DCC: variants seen among roughly 807,000 people sequenced by gnomAD.
DCC encodes netrin receptor DCC.
Under a neutral mutation model 172.5 loss-of-function variants are expected in DCC, and 58 were observed. That is an observed-to-expected ratio of 0.34 (90% confidence interval 0.27 to 0.42). The LOEUF (loss-of-function observed/expected upper bound fraction) is 0.42. Among genes scored for constraint, DCC ranks in the 10% least tolerant of loss-of-function variants. The pLI, the probability that DCC is intolerant of heterozygous loss-of-function variation, is 1.00. For missense variants in DCC, 1,740 were observed against 1,791.0 expected (o/e 0.97, Z 0.51); for synonymous variants, 709 against 644.5 (o/e 1.10, Z -1.52).
At chr18:52,965,319 A>G (rs2040912022) in intron 5 of DCC, among the ~76,000 whole-genome samples, 1 of 152,190 alleles carries the variant, frequency 6.6e-6, no homozygotes, top group Admixed American at 6.5e-5. Flanking sequence ...TTGACAAAAC[A>G]GGCTAGAAAG....
At chr18:53,191,625 G>A (rs984982171) in intron 9 of DCC, among the ~76,000 whole-genome samples, 2 of 152,116 alleles carry the variant, frequency 1.3e-5, no homozygotes, top group Non-Finnish European at 2.9e-5. Flanking sequence ...AAGTCAAGAA[G>A]GTTGACAATC....
intron 5 of DCC, among the ~76,000 whole-genome samples, chr18:52,971,984 C>G (rs35166096): frequency 6.6e-6 from 1 of 152,054 alleles, no homozygotes; most frequent in Non-Finnish European, 1.5e-5. Context: ...TGTCTCCTGA[C>G]AGTGAGCTCA....
intron 15 of DCC, among the ~76,000 whole-genome samples, chr18:53,384,688 T>A (rs890041421): frequency 2.0e-5 from 3 of 152,134 alleles, no homozygotes; most frequent in African/African-American, 7.2e-5. Flanking sequence ...TTTCTTAATG[T>A]AGTTTAGTTC....
At chr18:52,388,435 T>C (rs888682636) in intron 1 of DCC, among the ~76,000 whole-genome samples, 3 of 152,110 alleles carry the variant, frequency 2.0e-5, no homozygotes, top group African/African-American at 7.2e-5. Flanking sequence ...ATTATTTAGG[T>C]TCTGCCAAAT....
chr18:53,160,700 A>C (rs2054824066), intron 8 of DCC, among the ~76,000 whole-genome samples: 2 of 152,130 alleles, frequency 1.3e-5, no homozygotes, highest in Non-Finnish European at 1.5e-5. Context: ...TCTCTCTCAC[A>C]TACGCTCCTA....
chr18:53,291,517 C>A (rs534115814), intron 12 of DCC, among the ~76,000 whole-genome samples: 8 of 152,182 alleles, frequency 5.3e-5, no homozygotes, highest in African/African-American at 1.9e-4. Context: ...TTCCATGTTC[C>A]AAAACACAAA....
At chr18:52,827,778 T>C (rs2038538270) in intron 2 of DCC, among the ~76,000 whole-genome samples, 1 of 152,290 alleles carries the variant, frequency 6.6e-6, no homozygotes, top group African/African-American at 2.4e-5. Flanking sequence ...GATTTTAAAA[T>C]GTATGTATTC....
At chr18:52,982,339 C>T (rs1261790977) in intron 5 of DCC, among the ~76,000 whole-genome samples, 1 of 152,154 alleles carries the variant, frequency 6.6e-6, no homozygotes, top group Non-Finnish European at 1.5e-5. Context: ...GGCAATGCAG[C>T]AGATGACAAA....
chr18:52,476,766 A>G (rs1989106394), intron 1 of DCC, among the ~76,000 whole-genome samples: 1 of 152,164 alleles, frequency 6.6e-6, no homozygotes, highest in African/African-American at 2.4e-5. Flanking sequence ...TCTATTTCTT[A>G]TTCAAGTAAG....
intron 1 of DCC, among the ~76,000 whole-genome samples, chr18:52,528,608 C>G (rs537840659): frequency 4.6e-5 from 7 of 152,152 alleles, no homozygotes; most frequent in Admixed American, 2.6e-4. Context: ...ACCTGATTAT[C>G]ACATTACCCC....
At chr18:52,352,097 C>G (rs1039405238) in intron 1 of DCC, among the ~76,000 whole-genome samples, 4 of 152,234 alleles carry the variant, frequency 2.6e-5, no homozygotes, top group Non-Finnish European at 5.9e-5. Context: ...GACACAAAAT[C>G]AACCTCTGCT....
chr18:53,397,530 T>G, intron 18 of DCC, 84 bp downstream of exon 18: 1 of 1,422,830 alleles, frequency 7.0e-7, no homozygotes, highest in Non-Finnish European at 9.9e-7. Flanking sequence ...TTCCCTATGG[T>G]GTCTCAATTA....
intron 1 of DCC, among the ~76,000 whole-genome samples, chr18:52,583,844 CA>C (rs2033611707): frequency 1.3e-5 from 2 of 152,188 alleles, no homozygotes; most frequent in Non-Finnish European, 2.9e-5. Flanking sequence ...AAATATAACT[CA>C]CTTTATATAG....
chr18:53,281,330 T>C (rs1184706217), intron 12 of DCC, among the ~76,000 whole-genome samples: 3 of 152,190 alleles, frequency 2.0e-5, no homozygotes, highest in African/African-American at 7.2e-5. Context: ...CTAAATTTGA[T>C]ATGTCATGTA....
At chr18:52,598,534 C>T (rs2033953158) in intron 1 of DCC, among the ~76,000 whole-genome samples, 1 of 152,076 alleles carries the variant, frequency 6.6e-6, no homozygotes, top group Non-Finnish European at 1.5e-5. Context: ...TATGGAGCAC[C>T]AGGATGTATG....
intron 5 of DCC, among the ~76,000 whole-genome samples, chr18:53,051,768 TATATC>T (rs2042336955): frequency 6.6e-6 from 1 of 152,124 alleles, no homozygotes; most frequent in Non-Finnish European, 1.5e-5. Context: ...CTCTTCATCT[TATATC>T]TTATATATCT....
intron 27 of DCC, among the ~76,000 whole-genome samples, chr18:53,503,951 A>G (rs1196928422): frequency 2.6e-5 from 4 of 152,246 alleles, no homozygotes; most frequent in Non-Finnish European, 2.9e-5. Flanking sequence ...TGGACATGAC[A>G]AGTCCAAAAC....
chr18:53,498,401 T>C (rs999578931), intron 26 of DCC, among the ~76,000 whole-genome samples: 4 of 152,190 alleles, frequency 2.6e-5, no homozygotes, highest in Admixed American at 2.6e-4. Context: ...GAAAAAATAT[T>C]TTATTAATAC....
At chr18:52,696,311 C>T (rs2036010188) in intron 1 of DCC, among the ~76,000 whole-genome samples, 1 of 152,138 alleles carries the variant, frequency 6.6e-6, no homozygotes, top group African/African-American at 2.4e-5. Flanking sequence ...TGAACTTTCC[C>T]TCTTCCTTCA....
Sources: gnomAD v4.1 joint callset for allele counts (sites outside exome capture counted in the v4.1 genomes callset) on GRCh38, gnomAD v4.1.1 for gene constraint, MANE v1.5 for transcripts, NCBI Gene and HGNC (gene_info 2026-07-23, HGNC 2026-07-21) for gene names.